MARK1: variants seen among roughly 807,000 people sequenced by gnomAD.
MARK1 encodes serine/threonine-protein kinase MARK1.
MARK1 carries 40 observed loss-of-function variants against 96.3 expected under a neutral mutation model. The observed-to-expected ratio is 0.42, with a 90% CI of 0.32 to 0.54. The LOEUF (loss-of-function observed/expected upper bound fraction) is 0.54. Among genes scored for constraint, MARK1 ranks in the 20% least tolerant of loss-of-function variants. The pLI is 0.16. For synonymous variants in MARK1, 317 were observed against 341.2 expected (o/e 0.93, Z 0.78); for missense variants, 719 against 984.6 (o/e 0.73, Z 3.61).
intron 3 of MARK1, among the ~76,000 whole-genome samples, chr1:220,583,930 T>C (rs1329991422): frequency 6.6e-6 from 1 of 150,494 alleles, no homozygotes; most frequent in Non-Finnish European, 1.5e-5. Flanking sequence ...CCTCCCAAAG[T>C]GTTGGGATTA....
intron 17 of MARK1, among the ~76,000 whole-genome samples, chr1:220,658,142 T>C (rs1490515352): frequency 6.6e-6 from 1 of 152,208 alleles, no homozygotes; most frequent in Non-Finnish European, 1.5e-5. Context: ...ACTAAAGTAA[T>C]GTAACTAAAA....
chr1:220,645,997 A>T (rs1172058787), intron 13 of MARK1, among the ~76,000 whole-genome samples: 1 of 152,204 alleles, frequency 6.6e-6, no homozygotes, highest in Non-Finnish European at 1.5e-5. Flanking sequence ...GAAAACTGGC[A>T]CAAGACAAGG....
chr1:220,627,411 A>C, intron 9 of MARK1: 1 of 479,814 alleles, frequency 2.1e-6, no homozygotes, highest in Non-Finnish European at 4.3e-6. Flanking sequence ...GAGAAGCCAG[A>C]AGCCAAAGGG....
intron 13 of MARK1, among the ~76,000 whole-genome samples, chr1:220,640,569 G>T (rs933692019): frequency 6.6e-5 from 10 of 152,114 alleles, no homozygotes; most frequent in Non-Finnish European, 5.9e-5. Flanking sequence ...AATGAAAGGA[G>T]TCTCTCTTAG....
chr1:220,583,280 CTCCTTTA>C (rs1311444125), intron 3 of MARK1, among the ~76,000 whole-genome samples: 1 of 152,192 alleles, frequency 6.6e-6, no homozygotes, highest in African/African-American at 2.4e-5. Context: ...GCTGATCCCT[CTCCTTTA>C]TCCTCTTCTG....
chr1:220,533,004 C>CTT (rs57552621), intron 1 of MARK1, among the ~76,000 whole-genome samples: 701 of 53,990 alleles, frequency 0.013, 3 homozygotes, highest in African/African-American at 0.026. Flanking sequence ...AGTGTGAACC[C>CTT]TTTTTTTTAA....
intron 13 of MARK1, among the ~76,000 whole-genome samples, chr1:220,644,796 T>A (rs1490637511): frequency 6.6e-6 from 1 of 152,086 alleles, no homozygotes; most frequent in Admixed American, 6.5e-5. Flanking sequence ...CATAATTACA[T>A]GGAAATTGAG....
At chr1:220,603,896 A>G (rs934608364) in intron 5 of MARK1, among the ~76,000 whole-genome samples, 171 bp from the exon 6 acceptor site, 1 of 152,108 alleles carries the variant, frequency 6.6e-6, no homozygotes, top group Non-Finnish European at 1.5e-5. Context: ...TCAATTTTAT[A>G]TGTAATTTTT....
intron 1 of MARK1, among the ~76,000 whole-genome samples, chr1:220,563,524 G>A (rs1662824963): frequency 6.6e-6 from 1 of 152,164 alleles, no homozygotes; most frequent in African/African-American, 2.4e-5. Flanking sequence ...AATGATAACT[G>A]TCTATCATTT....
Position 220,618,070 on chromosome 1 carries a change from T to C in MARK1, c.553-240T>C, listed in dbSNP as rs1666856631. Among the ~76,000 whole-genome samples, 1 of 152,202 alleles carries C rather than the reference T, an allele frequency of 6.6e-6. No homozygotes were observed. Among genetic ancestry groups the C allele is most frequent in the Non-Finnish European group, 1.5e-5 (1 of 68,042 alleles). Reference sequence around the variant, plus strand: ...AAAATAGGTTTTAAATAACCTTTCTTAAGTAGTTGCATATATGCATATAAA... The same window carrying C: ...AAAATAGGTTTTAAATAACCTTTCTCAAGTAGTTGCATATATGCATATAAA... On this transcript the variant is annotated intron_variant, in intron 7 of 17. Coordinates refer to ENST00000366917, the MANE Select transcript of MARK1 (RefSeq NM_018650.5). The surrounding 1 kb of genome is among the most constrained non-coding windows in gnomAD (Gnocchi z 4.6).
intron 3 of MARK1, among the ~76,000 whole-genome samples, chr1:220,594,957 C>T (rs1048379371): frequency 1.3e-5 from 2 of 152,036 alleles, no homozygotes; most frequent in Non-Finnish European, 2.9e-5. Flanking sequence ...TGTCTAAACC[C>T]ATAGAATGTA....
chr1:220,614,537 A>G (rs1666632221), intron 6 of MARK1, among the ~76,000 whole-genome samples: 1 of 152,040 alleles, frequency 6.6e-6, no homozygotes, highest in African/African-American at 2.4e-5. Context: ...ACCTCTCTAT[A>G]TACAATATAT....
intron 1 of MARK1, among the ~76,000 whole-genome samples, chr1:220,559,206 A>C (rs1351965350): frequency 6.6e-6 from 1 of 152,224 alleles, no homozygotes; most frequent in African/African-American, 2.4e-5. Flanking sequence ...TTGGTGCTAG[A>C]GAAGAGCAGC....
intron 13 of MARK1, among the ~76,000 whole-genome samples, chr1:220,648,343 C>T (rs1335539179): frequency 6.6e-6 from 1 of 152,140 alleles, no homozygotes; most frequent in Admixed American, 6.5e-5. Flanking sequence ...ACCTTACCTG[C>T]TTAGTGATAA....
chr1:220,653,452 C>T, intron 16 of MARK1, 100 bp downstream of exon 16: 1 of 1,227,414 alleles, frequency 8.1e-7, no homozygotes, highest in East Asian at 2.6e-5. Flanking sequence ...AAAATGGTTT[C>T]ATAACATTTC....
At chr1:220,613,305 T>C (rs150561764) in intron 6 of MARK1, among the ~76,000 whole-genome samples, 1 of 152,336 alleles carries the variant, frequency 6.6e-6, no homozygotes, top group African/African-American at 2.4e-5. Context: ...CACATTTGAC[T>C]GATAGCTCAG....
Position 220,603,749 on chromosome 1 carries a change from C to T in MARK1, c.425-318C>T, listed in dbSNP as rs1307580869. Among the ~76,000 whole-genome samples, 5 of 152,140 alleles carry T rather than the reference C, an allele frequency of 3.3e-5. No individual in the cohort carries two copies. In the East Asian group the frequency reaches 9.7e-4, roughly 29 times the overall value. ...TTTTTGATTGACCAGGCTGTGGCTT[C>T]CCTTTACTAGAATGTATAATAAAGA... On this transcript the variant is annotated intron_variant, in intron 5 of 17. Coordinates refer to ENST00000366917, the MANE Select transcript of MARK1 (RefSeq NM_018650.5).
intron 4 of MARK1, 89 bp downstream of exon 4, chr1:220,598,468 A>G (rs554653353): frequency 1.5e-5 from 3 of 202,682 alleles, no homozygotes; most frequent in East Asian, 1.6e-4. Flanking sequence ...AAAAGACACA[A>G]TGTTTAAGGA....
At position 220,575,670 on chromosome 1, in the gene MARK1, A is replaced by G. The variant is rs1018503379; in HGVS notation, c.52-3684A>G. 9.3e-4 allele frequency among the ~76,000 whole-genome samples: 141 copies of G among 152,082 alleles called. 2 individuals are homozygous for G. Among genetic ancestry groups the G allele is most frequent in the Admixed American group, 9.1e-3 (139 of 15,266 alleles). ...ATGTATAATATATGTAATATAAAATATATGCTGTGTATTCTGATTTTTTAT... is the reference window on the plus strand; with the variant it reads ...ATGTATAATATATGTAATATAAAATGTATGCTGTGTATTCTGATTTTTTAT... On this transcript the variant is annotated intron_variant, in intron 1 of 17. Coordinates refer to ENST00000366917, the MANE Select transcript of MARK1 (RefSeq NM_018650.5).
Sources: allele counts gnomAD v4.1 joint callset (sites outside exome capture counted in the v4.1 genomes callset), GRCh38; gene constraint gnomAD v4.1.1; non-coding constraint Gnocchi (gnomAD v3.1); transcripts MANE v1.5; gene names NCBI Gene and HGNC (gene_info 2026-07-23, HGNC 2026-07-21).